Variants in GRM7 observed in about 807,000 individuals in gnomAD.
GRM7 encodes metabotropic glutamate receptor 7.
GRM7 carries 35 observed loss-of-function variants against 84.5 expected under a neutral mutation model. The ratio of observed to expected loss-of-function variants is 0.41; its 90% CI spans 0.32 to 0.55. GRM7 has a LOEUF of 0.55. Among genes scored for constraint, GRM7 ranks in the 20% least tolerant of loss-of-function variants. The pLI, the probability that GRM7 is intolerant of heterozygous loss-of-function variation, is 0.19. For synonymous variants in GRM7, 487 were observed against 455.1 expected (o/e 1.07, Z -0.89); for missense variants, 1,003 against 1,194.6 (o/e 0.84, Z 2.36).
intron 9 of GRM7, among the ~76,000 whole-genome samples, chr3:7,721,369 C>A (rs1701942293): frequency 6.6e-6 from 1 of 152,218 alleles, no homozygotes; most frequent in Admixed American, 6.5e-5. Flanking sequence ...TCAGTGATAA[C>A]TGCTGAGTCT....
At chr3:7,168,953 A>C (rs1465104096) in intron 2 of GRM7, among the ~76,000 whole-genome samples, 1 of 152,226 alleles carries the variant, frequency 6.6e-6, no homozygotes, top group Non-Finnish European at 1.5e-5. Flanking sequence ...AGGTATCTGC[A>C]TTCTTATATG....
At chr3:7,222,781 G>C (rs945271604) in intron 2 of GRM7, among the ~76,000 whole-genome samples, 5 of 152,140 alleles carry the variant, frequency 3.3e-5, no homozygotes, top group African/African-American at 1.2e-4. Flanking sequence ...AGATTTGTTG[G>C]TTTATTCTTG....
At chr3:7,316,308 T>C (rs887595339) in intron 4 of GRM7, among the ~76,000 whole-genome samples, 1 of 152,112 alleles carries the variant, frequency 6.6e-6, no homozygotes, top group Non-Finnish European at 1.5e-5. Context: ...AGCACAGGAA[T>C]AACCTGATCT....
chr3:7,735,908 A>G (rs1019609949), intron 9 of GRM7, among the ~76,000 whole-genome samples: 9 of 152,212 alleles, frequency 5.9e-5, no homozygotes, highest in African/African-American at 2.2e-4. Context: ...TCTAGAAGTG[A>G]AATTGCTGAT....
intron 1 of GRM7, among the ~76,000 whole-genome samples, chr3:7,103,458 C>T (rs1352338924): frequency 6.6e-6 from 1 of 151,730 alleles, no homozygotes; most frequent in African/African-American, 2.4e-5. Context: ...GGAGTTCCCC[C>T]CACACAAATT....
At position 7,231,294 on chromosome 3, in the gene GRM7, A is replaced by T. The variant is rs567533599; in HGVS notation, c.737-67390A>T. Among the ~76,000 whole-genome samples the T allele has an allele frequency of 2.0e-5, 3 of 152,154 alleles. No individual in the cohort carries two copies. The South Asian group carries it at 6.2e-4, about 32-fold the overall frequency. On this transcript the variant is annotated intron_variant, in intron 2 of 9. Coordinates refer to ENST00000357716, the MANE Select transcript of GRM7 (RefSeq NM_000844.4). The stretch of plus-strand genomic sequence containing the variant: ...TACCCTACAAAGATGATTTGAATAA[A>T]CTCAGTACCCAATCAAAAAGTGTCT...
intron 4 of GRM7, among the ~76,000 whole-genome samples, chr3:7,310,487 C>G (rs1414736920): frequency 6.6e-6 from 1 of 152,154 alleles, no homozygotes; most frequent in African/African-American, 2.4e-5. Context: ...ATATGCCCTA[C>G]TTTAGCTTCT....
chr3:6,891,101 C>T (rs917579686), intron 1 of GRM7, among the ~76,000 whole-genome samples: 2 of 152,124 alleles, frequency 1.3e-5, no homozygotes, highest in African/African-American at 4.8e-5. Context: ...CTTCCTCCAT[C>T]CTTTTATTTT....
chr3:7,499,935 C>T (rs551676106), intron 7 of GRM7, among the ~76,000 whole-genome samples: 43 of 152,186 alleles, frequency 2.8e-4, no homozygotes, highest in East Asian at 7.8e-4. Context: ...TCACCACGCC[C>T]GGCTAATTTT....
At chr3:7,423,155 GT>G (rs1375685195) in intron 5 of GRM7, among the ~76,000 whole-genome samples, 2 of 152,102 alleles carry the variant, frequency 1.3e-5, no homozygotes, top group Non-Finnish European at 2.9e-5. Flanking sequence ...CACTCCCTCA[GT>G]TTTTTTCCTA....
rs139752416 is a variant in GRM7 at position 7,422,367 on chromosome 3, A to G, written c.1174+7204A>G. On this transcript the variant is annotated intron_variant, in intron 5 of 9. Transcript: ENST00000357716. ...GACGGACATATTTTATTTTCTGACTACTGAGCATTTGAAACATGACTAATG... is the reference window on the plus strand; with the variant it reads ...GACGGACATATTTTATTTTCTGACTGCTGAGCATTTGAAACATGACTAATG... Among the ~76,000 whole-genome samples the G allele has an allele frequency of 8.5e-4, 130 of 152,340 alleles. 1 individual carries two copies. Among genetic ancestry groups the G allele is most frequent in the Admixed American group, 2.9e-3 (45 of 15,292 alleles).
At chr3:6,972,992 T>G (rs903913144) in intron 1 of GRM7, among the ~76,000 whole-genome samples, 4 of 152,160 alleles carry the variant, frequency 2.6e-5, no homozygotes, top group African/African-American at 9.7e-5. Context: ...TAGAGTCAAA[T>G]AATATGAGAG....
intron 4 of GRM7, among the ~76,000 whole-genome samples, chr3:7,336,416 A>G (rs569682775): frequency 6.6e-6 from 1 of 152,214 alleles, no homozygotes; most frequent in South Asian, 2.1e-4. Context: ...GCCATCTGTG[A>G]CAAACCCACA....
At chr3:7,084,213 T>C (rs933997230) in intron 1 of GRM7, among the ~76,000 whole-genome samples, 1 of 152,006 alleles carries the variant, frequency 6.6e-6, no homozygotes, top group African/African-American at 2.4e-5. Context: ...ATATATGAAA[T>C]AGTAGAGGCA....
At chr3:7,435,774 G>A (rs1316170557) in intron 5 of GRM7, among the ~76,000 whole-genome samples, 1 of 141,726 alleles carries the variant, frequency 7.1e-6, no homozygotes, top group African/African-American at 2.6e-5. Context: ...TGCAAGATCT[G>A]CCTGCCGGGT....
intron 2 of GRM7, among the ~76,000 whole-genome samples, chr3:7,194,623 A>T (rs1156733714): frequency 2.0e-5 from 3 of 152,146 alleles, no homozygotes; most frequent in Non-Finnish European, 4.4e-5. Context: ...TAACGTGGGA[A>T]GTAAGAAGCA....
intron 1 of GRM7, among the ~76,000 whole-genome samples, chr3:6,987,413 A>AT (rs1694456831): frequency 6.6e-6 from 1 of 151,638 alleles, no homozygotes; most frequent in African/African-American, 2.4e-5. Context: ...AAAAAAAAAA[A>AT]TCCCTGATAA....
intron 1 of GRM7, among the ~76,000 whole-genome samples, chr3:7,030,640 T>C (rs1301595514): frequency 6.6e-6 from 1 of 152,190 alleles, no homozygotes; most frequent in Admixed American, 6.5e-5. Flanking sequence ...AGTCATTTGA[T>C]CAAATGGATC....
chr3:7,353,695 A>G (rs1411174017), intron 4 of GRM7, among the ~76,000 whole-genome samples: 2 of 152,260 alleles, frequency 1.3e-5, no homozygotes, highest in East Asian at 1.9e-4. Context: ...GAGCCCTGTG[A>G]TTGCTCTTGT....
Sources: gnomAD v4.1 joint callset for allele counts (sites outside exome capture counted in the v4.1 genomes callset) on GRCh38, gnomAD v4.1.1 for gene constraint, MANE v1.5 for transcripts, NCBI Gene and HGNC (gene_info 2026-07-23, HGNC 2026-07-21) for gene names.